Variants in BICD1 observed in about 807,000 individuals in gnomAD.
BICD1 encodes the protein protein bicaudal D homolog 1.
A neutral mutation model predicts 92.5 loss-of-function variants in BICD1; 35 were observed. The ratio of observed to expected loss-of-function variants is 0.38; its 90% CI spans 0.29 to 0.50. The LOEUF (loss-of-function observed/expected upper bound fraction) is 0.50. Ranked by LOEUF, BICD1 falls within the 20% of genes least tolerant of loss-of-function variation. The pLI, the probability that BICD1 is intolerant of heterozygous loss-of-function variation, is 0.93. For missense variants in BICD1, 950 were observed against 1,189.8 expected, an observed-to-expected ratio of 0.80 and a Z score of 2.97; for synonymous variants, 429 against 465.1, an observed-to-expected ratio of 0.92 and a Z score of 1.00.
intron 1 of BICD1, among the ~76,000 whole-genome samples, chr12:32,198,497 T>G (rs1228612746): frequency 6.6e-6 from 1 of 151,114 alleles, no homozygotes; most frequent in Non-Finnish European, 1.5e-5. Context: ...AATATCCTGC[T>G]TTGTAGCTGA....
At chr12:32,184,580 C>T (rs772728530) in intron 1 of BICD1, among the ~76,000 whole-genome samples, 45 of 152,104 alleles carry the variant, frequency 3.0e-4, no homozygotes, top group Non-Finnish European at 5.7e-4. Flanking sequence ...CCACCGCGCC[C>T]GGCCAAAATA....
chr12:32,326,486 A>T (rs1052970912), intron 4 of BICD1, among the ~76,000 whole-genome samples: 2 of 152,204 alleles, frequency 1.3e-5, no homozygotes, highest in Non-Finnish European at 2.9e-5. Context: ...ATTCAAATTA[A>T]TTACTAATAT....
rs1329650311 is a variant in BICD1 at position 32,216,797 on chromosome 12, C to T, written c.426+338C>T. Reference sequence around the variant, plus strand: ...TGGTTTAATACAATGTGGAGAAGAACGGTTGGCTGTAATGCTCTGTATCTG... The same window carrying T: ...TGGTTTAATACAATGTGGAGAAGAATGGTTGGCTGTAATGCTCTGTATCTG... On this transcript the variant is annotated intron_variant, in intron 2 of 9. Coordinates refer to ENST00000652176, the MANE Select transcript of BICD1 (RefSeq NM_001714.4). Among the ~76,000 whole-genome samples, 6 of 152,198 alleles carry T rather than the reference C, an allele frequency of 3.9e-5. No individual in the cohort carries two copies. The South Asian group carries it at 1.0e-3, about 26-fold the overall frequency.
chr12:32,175,514 G>C (rs935826741), intron 1 of BICD1, among the ~76,000 whole-genome samples: 3 of 151,812 alleles, frequency 2.0e-5, no homozygotes, highest in Non-Finnish European at 4.4e-5. Flanking sequence ...ACGGGATTTC[G>C]CCATGTTGGC....
intron 1 of BICD1, among the ~76,000 whole-genome samples, chr12:32,181,323 G>A (rs1159165392): frequency 6.6e-6 from 1 of 151,642 alleles, no homozygotes; most frequent in Non-Finnish European, 1.5e-5. Context: ...GGGAGGCTGA[G>A]GCAGGAGAAT....
chr12:32,193,131 A>G (rs921933015), intron 1 of BICD1, among the ~76,000 whole-genome samples: 1 of 152,230 alleles, frequency 6.6e-6, no homozygotes, highest in Admixed American at 6.5e-5. Flanking sequence ...ATTGCCTATT[A>G]CAGAGAAATC....
At chr12:32,110,386 C>G (rs1941641031) in intron 1 of BICD1, among the ~76,000 whole-genome samples, 1 of 152,194 alleles carries the variant, frequency 6.6e-6, no homozygotes, top group African/African-American at 2.4e-5. Context: ...CAGAAGAACA[C>G]ACTTGAAAGA....
At chr12:32,235,800 A>C (rs887363420) in intron 2 of BICD1, among the ~76,000 whole-genome samples, 2 of 151,002 alleles carry the variant, frequency 1.3e-5, no homozygotes, top group Non-Finnish European at 3.0e-5. Context: ...TCCCAGGTTC[A>C]AGTGATTCTC....
At chr12:32,332,397 A>C (rs972298348) in intron 5 of BICD1, 1 of 969,812 alleles carries the variant, frequency 1.0e-6, no homozygotes, top group Non-Finnish European at 1.2e-6. Context: ...AAAATAAATA[A>C]ATAGGCATTC....
At chr12:32,256,952 C>T (rs1421090582) in intron 2 of BICD1, among the ~76,000 whole-genome samples, 1 of 152,128 alleles carries the variant, frequency 6.6e-6, no homozygotes, top group African/African-American at 2.4e-5. Flanking sequence ...TAGTGGCTCA[C>T]GCCTGTAATA....
intron 1 of BICD1, among the ~76,000 whole-genome samples, chr12:32,162,416 A>G (rs184764158): frequency 2.1e-4 from 32 of 152,348 alleles, no homozygotes; most frequent in African/African-American, 7.2e-4. Flanking sequence ...GATAAATGAC[A>G]TGAGGCAGTG....
intron 3 of BICD1, among the ~76,000 whole-genome samples, chr12:32,305,321 C>T (rs1358186492): frequency 6.6e-6 from 1 of 151,870 alleles, no homozygotes; most frequent in Non-Finnish European, 1.5e-5. Context: ...AAAAAATATT[C>T]CCTATTTATT....
intron 2 of BICD1, among the ~76,000 whole-genome samples, chr12:32,291,274 C>T (rs115462497): frequency 0.027 from 4,080 of 152,156 alleles, 183 homozygotes; most frequent in African/African-American, 0.094. Context: ...TAGTGGCTCA[C>T]GCTTATAATC....
intron 8 of BICD1, among the ~76,000 whole-genome samples, chr12:32,357,340 C>G (rs571494682): frequency 6.6e-6 from 1 of 152,180 alleles, no homozygotes; most frequent in East Asian, 1.9e-4. Flanking sequence ...ATTTGTGCTT[C>G]TTGCCTTTCG....
chr12:32,326,080 C>CAAAAAA (rs372956491), intron 4 of BICD1, among the ~76,000 whole-genome samples: 16 of 66,338 alleles, frequency 2.4e-4, no homozygotes, highest in Admixed American at 4.0e-4. Context: ...GACTCCATCT[C>CAAAAAA]AAAAAAAAAA....
chr12:32,180,784 C>A (rs1944249520), intron 1 of BICD1, among the ~76,000 whole-genome samples: 1 of 151,916 alleles, frequency 6.6e-6, no homozygotes, highest in Non-Finnish European at 1.5e-5. Flanking sequence ...GTTTTGTAAG[C>A]TAGATTATCT....
chr12:32,364,030 T>G (rs1939433261), intron 8 of BICD1, among the ~76,000 whole-genome samples: 1 of 152,024 alleles, frequency 6.6e-6, no homozygotes, highest in African/African-American at 2.4e-5. Flanking sequence ...ACCACCATCA[T>G]CACCATCACC....
chr12:32,234,761 C>T (rs1024011102), intron 2 of BICD1, among the ~76,000 whole-genome samples: 1 of 150,804 alleles, frequency 6.6e-6, no homozygotes, highest in African/African-American at 2.4e-5. Context: ...CTGCAACCTC[C>T]ACCTCCTGAG....
intron 1 of BICD1, among the ~76,000 whole-genome samples, chr12:32,132,415 CAAAAA>C (rs34771538): frequency 9.1e-6 from 1 of 109,398 alleles, no homozygotes. Flanking sequence ...GACTCTGTCT[CAAAAA>C]AAAAAAAAAA....
Sources: allele counts gnomAD v4.1 joint callset (sites outside exome capture counted in the v4.1 genomes callset), GRCh38; gene constraint gnomAD v4.1.1; transcripts MANE v1.5; gene names NCBI Gene and HGNC (gene_info 2026-07-23, HGNC 2026-07-21).